Variants in EDEM3 observed in about 807,000 individuals in gnomAD.
EDEM3 encodes the protein ER degradation enhancing alpha-mannosidase like protein 3, also known as ER degradation-enhancing alpha-mannosidase-like protein 3.
A neutral mutation model predicts 110.2 loss-of-function variants in EDEM3; 60 were observed. The ratio of observed to expected loss-of-function variants is 0.54; its 90% confidence interval spans 0.44 to 0.67. The LOEUF is 0.67. EDEM3 is among the 30% of genes least tolerant of loss of function. The probability of loss-of-function intolerance (pLI) is 0.00; values close to 1 mark genes in which losing one functional copy is unlikely to be tolerated. For missense variants in EDEM3, 996 were observed against 1,121.0 expected (o/e 0.89, Z 1.59); for synonymous variants, 352 against 382.9 (o/e 0.92, Z 0.94).
At position 184,732,964 on chromosome 1, in the gene EDEM3, G is replaced by A; in HGVS notation, c.485C>T (p.Ala162Val). The A allele has an allele frequency of 1.2e-6, 2 of 1,613,538 alleles. No individual in the cohort carries two copies. The highest frequency in any genetic ancestry group is 1.7e-6 in the Non-Finnish European group (2 of 1,179,718). ...TTCACCTTTTTCTTTCAGCATGATT[G>A]CCAGGGAGTGCCCACCCAAAAGACC... Reference protein sequence around the residue: ...LGGLLGGHSLAIMLKEKGEYM... With the variant: ...LGGLLGGHSLVIMLKEKGEYM... Residue 162 changes from alanine to valine, a missense_variant, in exon 6 of 20, where the codon GCA (alanine) becomes GTA (valine). By Grantham distance (64) the Ala-to-Val change is moderately conservative. Transcript: ENST00000318130.
At chr1:184,696,137 T>A (rs1371035691) in intron 19 of EDEM3, among the ~76,000 whole-genome samples, 1 of 151,798 alleles carries the variant, frequency 6.6e-6, no homozygotes, top group African/African-American at 2.4e-5. Context: ...AGAAAAAAAA[T>A]GAGCCATCAG....
At chr1:184,703,923 C>T (rs1222567227) in intron 18 of EDEM3, among the ~76,000 whole-genome samples, 1 of 152,024 alleles carries the variant, frequency 6.6e-6, no homozygotes, top group Non-Finnish European at 1.5e-5. Flanking sequence ...CATTTTGGAA[C>T]TGAGGAACAA....
At chr1:184,719,917 C>A (rs2102086896) in intron 9 of EDEM3, among the ~76,000 whole-genome samples, 1 of 152,322 alleles carries the variant, frequency 6.6e-6, no homozygotes, top group Non-Finnish European at 1.5e-5. Flanking sequence ...ATATAGCTAT[C>A]AGCTTCTGTA....
chr1:184,716,702 A>G (rs1650569735), intron 13 of EDEM3, among the ~76,000 whole-genome samples, 186 bp downstream of exon 13: 2 of 152,186 alleles, frequency 1.3e-5, no homozygotes, highest in South Asian at 4.1e-4. Context: ...GCACTATGAT[A>G]AAAATACAAA....
chr1:184,740,708 G>A (rs1262844955), intron 2 of EDEM3, among the ~76,000 whole-genome samples: 1 of 152,160 alleles, frequency 6.6e-6, no homozygotes, highest in African/African-American at 2.4e-5. Flanking sequence ...AGTGAAATTT[G>A]AATTGAACAT....
In EDEM3 at chr1:184,734,601, C is replaced by G; in HGVS notation, c.388G>C (p.Val130Leu). 6.5e-7 allele frequency: 1 copy of G among 1,545,432 alleles called. No homozygotes were observed. The highest frequency in any genetic ancestry group is 8.8e-7 in the Non-Finnish European group (1 of 1,141,830). The change falls in exon 5 of 20, where the codon GTT (valine) becomes CTT (leucine). Residue 130 changes from valine (V) to leucine (L), a missense_variant. This residue lies in a region of EDEM3 where 200 missense variants were observed against 183.8 expected (regional missense o/e 1.09). Transcript: ENST00000318130. ...TTATCTAAATTAACATCTCTTAAAACTTTTCTCACTGCATCTTCAAATTCT... is the reference window on the plus strand; with the variant it reads ...TTATCTAAATTAACATCTCTTAAAAGTTTTCTCACTGCATCTTCAAATTCT... ...TKEFEDAVRK[V>L]LRDVNLDNDV...
chr1:184,697,068 A>T (rs751992546), intron 19 of EDEM3, among the ~76,000 whole-genome samples: 90 of 152,048 alleles, frequency 5.9e-4, no homozygotes, highest in Non-Finnish European at 1.1e-3. Flanking sequence ...TGGTAAGAAG[A>T]CTATGCAAAT....
At chr1:184,722,709 A>T (rs988778850) in intron 8 of EDEM3, among the ~76,000 whole-genome samples, 1 of 151,768 alleles carries the variant, frequency 6.6e-6, no homozygotes, top group African/African-American at 2.4e-5. Context: ...TGTTTGAATT[A>T]ATAATTTTAT....
At position 184,749,585 on chromosome 1, in the gene EDEM3, C is replaced by T; in HGVS notation, c.166G>A (p.Val56Ile). 2 of 1,513,188 alleles carry T rather than the reference C, an allele frequency of 1.3e-6. No individual in the cohort carries two copies. The highest frequency in any genetic ancestry group is 1.5e-5 in the African/African-American group (1 of 67,314). The allele number at this position is 1,513,188 out of a possible 1,614,324, so 93.7% of individuals were successfully genotyped here. A position where few individuals can be genotyped will look rare whatever the true frequency, so the allele number is the denominator to read the frequency against. Residue 56 changes from valine (V) to isoleucine (I), a missense_variant, in exon 2 of 20, where the codon GTA becomes ATA. Transcript: ENST00000318130. The stretch of plus-strand genomic sequence containing the variant: ...TAAGCATGATCAAACATTTCCAGTA[C>T]TTGATTCCTAATTTTAAAAGAGCAG... ...REEKQKLGNQ[V>I]LEMFDHAYGN... is the part of the protein sequence containing the mutation.
rs1010595596 is a variant in EDEM3, at chr1:184,734,749, G to A, written c.346-106C>T. The A allele has an allele frequency of 8.1e-6, 3 of 368,146 alleles. No individual in the cohort carries two copies. The Admixed American group carries it at 1.4e-4, about 17-fold the overall frequency. The allele number at this position is 368,146 out of a possible 1,614,324, so 22.8% of individuals were successfully genotyped here. A position where few individuals can be genotyped will look rare whatever the true frequency, so the allele number is the denominator to read the frequency against. ...AGTCTACTTTAAAACTCTAAAAAGT[G>A]ACATACACAAATAATATTTCTAAGT... On this transcript the variant is annotated intron_variant, in intron 4 of 19. Coordinates refer to ENST00000318130, the MANE Select transcript of EDEM3 (RefSeq NM_025191.4).
intron 3 of EDEM3, 89 bp downstream of exon 3, chr1:184,737,522 C>G: frequency 8.1e-7 from 1 of 1,232,876 alleles, no homozygotes; most frequent in South Asian, 1.4e-5. Context: ...TAGCCAATCC[C>G]TAGAAATATT....
At chr1:184,703,921 A>G (rs1290314363) in intron 18 of EDEM3, among the ~76,000 whole-genome samples, 2 of 152,162 alleles carry the variant, frequency 1.3e-5, no homozygotes, top group Non-Finnish European at 2.9e-5. Context: ...GCCATTTTGG[A>G]ACTGAGGAAC....
At chr1:184,721,946 AT>A (rs1283234604) in intron 8 of EDEM3, among the ~76,000 whole-genome samples, 1 of 152,024 alleles carries the variant, frequency 6.6e-6, no homozygotes, top group Non-Finnish European at 1.5e-5. Context: ...CAAGGAAATG[AT>A]TTTAAAAATT....
intron 19 of EDEM3, among the ~76,000 whole-genome samples, chr1:184,698,482 G>A (rs1649444740): frequency 6.6e-6 from 1 of 151,792 alleles, no homozygotes; most frequent in South Asian, 2.1e-4. Flanking sequence ...TAACTTGGAG[G>A]AATGTCTTTA....
Position 184,754,480 on chromosome 1 carries a change from C to A in EDEM3, c.158+9G>T. 3 of 1,613,208 alleles carry A rather than the reference C, an allele frequency of 1.9e-6. No homozygotes were observed. The highest frequency in any genetic ancestry group is 2.5e-6 in the Non-Finnish European group (3 of 1,179,758). ...CGAGAAACCCACCCCAGGCTGCCAG[C>A]ACCCTTACCCAAGCTTCTGTTTCTC... is the stretch of plus-strand genomic sequence containing the variant. On this transcript the variant is annotated intron_variant, in intron 1 of 19. Coordinates refer to ENST00000318130, the MANE Select transcript of EDEM3 (RefSeq NM_025191.4).
rs376269058 is a variant in EDEM3 at position 184,737,597 on chromosome 1, G to A, written c.305+14C>T. ...ACTCTGAGATGCCATGCCATGCCCT[G>A]TGTTAATACTCACTTTCCCAAGGCA... is the stretch of plus-strand genomic sequence containing the variant. On this transcript the variant is annotated intron_variant, in intron 3 of 19. Transcript: ENST00000318130. 3.1e-6 allele frequency: 5 copies of A among 1,612,658 alleles called. No individual in the cohort carries two copies. In the African/African-American group the frequency reaches 5.3e-5, roughly 17 times the overall value.
chr1:184,716,178 G>T (rs1295103392), intron 13 of EDEM3, among the ~76,000 whole-genome samples: 1 of 152,078 alleles, frequency 6.6e-6, no homozygotes, highest in Non-Finnish European at 1.5e-5. Context: ...AGACAGAAAG[G>T]ACTTATCTTC....
At chr1:184,696,575 T>G (rs192504543) in intron 19 of EDEM3, among the ~76,000 whole-genome samples, 24 of 151,612 alleles carry the variant, frequency 1.6e-4, no homozygotes, top group Admixed American at 4.6e-4. Context: ...ATTCTTAGGG[T>G]TTTTTTTCCG....
intron 1 of EDEM3, among the ~76,000 whole-genome samples, chr1:184,753,407 CT>C (rs35445359): frequency 0.31 from 43,264 of 138,140 alleles, 7,384 homozygotes; most frequent in East Asian, 0.54. Context: ...TCAAAATGCA[CT>C]TTTTTTTTTT....
Sources: allele counts gnomAD v4.1 joint callset (sites outside exome capture counted in the v4.1 genomes callset), GRCh38; gene constraint gnomAD v4.1.1; regional missense constraint gnomAD v4.1.1; transcripts MANE v1.5; gene names NCBI Gene and HGNC (gene_info 2026-07-23, HGNC 2026-07-21).